Variants in SEMA3D observed in about 807,000 individuals in gnomAD.
SEMA3D encodes semaphorin-3D.
SEMA3D carries 84 observed loss-of-function variants against 100.1 expected under a neutral mutation model. The ratio of observed to expected loss-of-function variants is 0.84; its 90% CI spans 0.70 to 1.01. The LOEUF (loss-of-function observed/expected upper bound fraction) is 1.01. SEMA3D is among the 50% of genes least tolerant of loss of function. The probability of loss-of-function intolerance (pLI) is 0.00; values close to 1 mark genes in which losing one functional copy is unlikely to be tolerated. For synonymous variants in SEMA3D, 312 were observed against 320.7 expected, an observed-to-expected ratio of 0.97 and a Z score of 0.29; for missense variants, 875 against 934.1, an observed-to-expected ratio of 0.94 and a Z score of 0.82.
intron 5 of SEMA3D, among the ~76,000 whole-genome samples, chr7:85,075,773 A>G (rs1471449849): frequency 6.6e-6 from 1 of 152,224 alleles, no homozygotes; most frequent in Non-Finnish European, 1.5e-5. Flanking sequence ...ATCTGTGAAC[A>G]GAGATCGTAA....
chr7:85,031,989 T>C (rs1283458339), intron 12 of SEMA3D, among the ~76,000 whole-genome samples: 5 of 151,916 alleles, frequency 3.3e-5, no homozygotes, highest in African/African-American at 1.2e-4. Flanking sequence ...TATTAGGAAA[T>C]AAGTGCATAT....
At chr7:85,119,781 A>T (rs1353673886) in intron 3 of SEMA3D, among the ~76,000 whole-genome samples, 1 of 151,942 alleles carries the variant, frequency 6.6e-6, no homozygotes, top group East Asian at 1.9e-4. Flanking sequence ...AAACAAAATT[A>T]CCCTTGCAGC....
At chr7:85,159,148 T>C (rs1790676870) in intron 1 of SEMA3D, among the ~76,000 whole-genome samples, 3 of 152,170 alleles carry the variant, frequency 2.0e-5, no homozygotes, top group African/African-American at 4.8e-5. Context: ...AATGACTGGC[T>C]GCACTTTCAG....
In SEMA3D at chr7:85,168,713, A is replaced by G. The variant is rs1186657972; in HGVS notation, c.-172-14974T>C. On this transcript the variant is annotated intron_variant, in intron 1 of 18. Coordinates refer to ENST00000284136, the MANE Select transcript of SEMA3D (RefSeq NM_001384900.1). ...CAAGCCCAGAGCTATTCCCCTCTGA[A>G]CACTTAGCACTTATCTTAAATTATA... is the stretch of plus-strand genomic sequence containing the variant. 2.7e-5 allele frequency among the ~76,000 whole-genome samples: 4 copies of G among 150,012 alleles called. No homozygotes were observed. The East Asian group carries it at 5.8e-4, about 22-fold the overall frequency.
chr7:85,081,869 C>T (rs1185036729), intron 4 of SEMA3D, among the ~76,000 whole-genome samples: 1 of 152,142 alleles, frequency 6.6e-6, no homozygotes, highest in Non-Finnish European at 1.5e-5. Flanking sequence ...ATGATGTCAA[C>T]AGAATTTCAC....
the SEMA3D span, among the ~76,000 whole-genome samples, chr7:85,225,584 T>C: frequency 6.6e-6 from 1 of 152,154 alleles, no homozygotes; most frequent in Admixed American, 6.5e-5. Context: ...TAGATAACTA[T>C]CAGCAATTTT....
At chr7:85,217,636 T>C in the SEMA3D span, among the ~76,000 whole-genome samples, 1 of 152,058 alleles carries the variant, frequency 6.6e-6, no homozygotes, top group African/African-American at 2.4e-5. Flanking sequence ...TGTTGTCATG[T>C]TTCTTTGCTC....
At chr7:85,243,696 A>G in the SEMA3D span, among the ~76,000 whole-genome samples, 19 of 152,366 alleles carry the variant, frequency 1.2e-4, no homozygotes, top group Non-Finnish European at 2.5e-4. Flanking sequence ...TACAAAAAAA[A>G]TGGAATCTTC....
At position 84,997,835 on chromosome 7, in the gene SEMA3D, G is replaced by A. The variant is rs1789543993; in HGVS notation, c.*1605C>T. The A allele has an allele frequency of 6.6e-6, 1 of 152,390 alleles. No individual in the cohort carries two copies. Among genetic ancestry groups the A allele is most frequent in the Non-Finnish European group, 1.5e-5 (1 of 67,978 alleles). 9.4% of individuals were successfully genotyped at this position (152,390 alleles called of 1,614,324 possible). ...TTCACACTATAAAGGGCGTGAAAAG[G>A]CAAAACAGAAGAAGGCTAAGGGTTC... On this transcript the variant is annotated 3_prime_UTR_variant, in exon 19 of 19. Coordinates refer to ENST00000284136, the MANE Select transcript of SEMA3D (RefSeq NM_001384900.1).
the SEMA3D span, among the ~76,000 whole-genome samples, chr7:85,218,895 C>A: frequency 6.6e-6 from 1 of 151,962 alleles, no homozygotes; most frequent in Non-Finnish European, 1.5e-5. Flanking sequence ...TTCAATAAGC[C>A]CTCAGTTAGC....
At position 85,128,874 on chromosome 7, in the gene SEMA3D, TA is replaced by T. The variant is rs1348644638; in HGVS notation, c.-40-6944del. Reference sequence around the variant, plus strand: ...TACAGATATTTTTATGATATATATATATTTTTTTCCTTTTTTTTTTTTTTTT... The same window carrying T: ...TACAGATATTTTTATGATATATATATTTTTTTTCCTTTTTTTTTTTTTTTT... On this transcript the variant is annotated intron_variant, in intron 2 of 18. Transcript: ENST00000284136. 8.9e-4 allele frequency among the ~76,000 whole-genome samples: 122 copies of T among 137,538 alleles called. 2 individuals carry two copies. In the East Asian group the frequency reaches 0.022, roughly 25 times the overall value. 90.2% of individuals were successfully genotyped at this position (137,538 alleles called of 152,430 possible). A position where few individuals can be genotyped will look rare whatever the true frequency, so the allele number is the denominator to read the frequency against.
At chr7:85,241,796 A>G in the SEMA3D span, among the ~76,000 whole-genome samples, 1 of 151,844 alleles carries the variant, frequency 6.6e-6, no homozygotes, top group Non-Finnish European at 1.5e-5. Flanking sequence ...GTAACCAAAT[A>G]CCACTGTTTT....
At chr7:85,028,721 T>C (rs899658721) in intron 12 of SEMA3D, 8 of 196,908 alleles carry the variant, frequency 4.1e-5, no homozygotes, top group Non-Finnish European at 7.2e-5. Flanking sequence ...CTCCATTAAT[T>C]GTGCCCAATT....
intron 8 of SEMA3D, among the ~76,000 whole-genome samples, chr7:85,059,971 A>C (rs920005963): frequency 2.0e-5 from 3 of 152,214 alleles, no homozygotes; most frequent in African/African-American, 7.2e-5. Flanking sequence ...CTATGATACT[A>C]GTCTACATTT....
chr7:85,215,504 T>C, the SEMA3D span, among the ~76,000 whole-genome samples: 3 of 152,066 alleles, frequency 2.0e-5, no homozygotes, highest in Admixed American at 2.0e-4. Context: ...AGATCTGGGA[T>C]CAGAGCAAGA....
At chr7:85,117,914 G>T (rs572912324) in intron 3 of SEMA3D, among the ~76,000 whole-genome samples, 45 of 150,782 alleles carry the variant, frequency 3.0e-4, no homozygotes, top group African/African-American at 1.0e-3. Flanking sequence ...TAAATATATA[G>T]ATATCTTTTT....
chr7:85,115,953 A>G (rs1330333708), intron 3 of SEMA3D, among the ~76,000 whole-genome samples: 1 of 152,136 alleles, frequency 6.6e-6, no homozygotes, highest in South Asian at 2.1e-4. Context: ...AAATTTTTCC[A>G]CAGATTCACA....
At chr7:85,119,953 A>G (rs1009620246) in intron 3 of SEMA3D, among the ~76,000 whole-genome samples, 1 of 147,262 alleles carries the variant, frequency 6.8e-6, no homozygotes. Context: ...TCGCACCATT[A>G]AGTGAATTTT....
chr7:85,085,052 G>A lies in SEMA3D; in HGVS notation c.313-3473C>T, dbSNP rs553806098. Among the ~76,000 whole-genome samples, 35 of 152,126 alleles carry A rather than the reference G, an allele frequency of 2.3e-4. 1 individual carries two copies. The highest frequency in any genetic ancestry group is 4.6e-4 in the Admixed American group (7 of 15,284). On this transcript the variant is annotated intron_variant, in intron 4 of 18. Coordinates refer to ENST00000284136, the MANE Select transcript of SEMA3D (RefSeq NM_001384900.1). ...TTTATCCAGTCTACCACTGATGGGC[G>A]TTTAGGTTGATTCCATGTCTTTGCT...
Sources: gnomAD v4.1 joint callset for allele counts (sites outside exome capture counted in the v4.1 genomes callset) on GRCh38, gnomAD v4.1.1 for gene constraint, MANE v1.5 for transcripts, NCBI Gene and HGNC (gene_info 2026-07-23, HGNC 2026-07-21) for gene names.